RFTN1: variants seen among roughly 807,000 people sequenced by gnomAD.
RFTN1 encodes the protein raftlin.
In RFTN1, 26 loss-of-function variants were observed where a neutral mutation model predicts 46.5. The ratio of observed to expected loss-of-function variants is 0.56; its 90% confidence interval spans 0.41 to 0.78. RFTN1 has a LOEUF of 0.78. Among genes scored for constraint, RFTN1 ranks in the 30% least tolerant of loss-of-function variants. The pLI is 0.00. For missense variants in RFTN1, 693 were observed against 718.7 expected, an observed-to-expected ratio of 0.96 and a Z score of 0.41; for synonymous variants, 261 against 284.2, an observed-to-expected ratio of 0.92 and a Z score of 0.82.
At chr3:16,377,369 G>A (rs2073815035) in intron 5 of RFTN1, among the ~76,000 whole-genome samples, 4 of 152,118 alleles carry the variant, frequency 2.6e-5, no homozygotes, top group Admixed American at 6.5e-5. Context: ...GGTTTTCATC[G>A]GTGCCTGGCA....
At chr3:16,412,458 A>G (rs1415983549) in intron 3 of RFTN1, among the ~76,000 whole-genome samples, 1 of 152,206 alleles carries the variant, frequency 6.6e-6, no homozygotes, top group Non-Finnish European at 1.5e-5. Flanking sequence ...CACTAATCCT[A>G]TGAAAAACAG....
chr3:16,394,208 T>TA (rs138594843), intron 4 of RFTN1, among the ~76,000 whole-genome samples: 3,400 of 151,680 alleles, frequency 0.022, 136 homozygotes, highest in African/African-American at 0.077. Context: ...CCCATCTCTA[T>TA]AAAAAAAATC....
chr3:16,377,157 A>C (rs1275475961), intron 5 of RFTN1, among the ~76,000 whole-genome samples: 1 of 152,032 alleles, frequency 6.6e-6, no homozygotes, highest in Non-Finnish European at 1.5e-5. Flanking sequence ...AAATCTTATT[A>C]AGGGCCTCGG....
In RFTN1 at chr3:16,336,942, C is replaced by A. The variant is rs150085829; in HGVS notation, c.1147-10066G>T. Among the ~76,000 whole-genome samples, 143 of 152,328 alleles carry A rather than the reference C, an allele frequency of 9.4e-4. No homozygotes were observed. Among genetic ancestry groups the A allele is most frequent in the Admixed American group, 1.9e-3 (29 of 15,310 alleles). ...GACTTCCCTGTGTCCAGGCCACTTT[C>A]CAACACAGCTCGGCAGCTCCTCCCA... is the stretch of plus-strand genomic sequence containing the variant. On this transcript the variant is annotated intron_variant, in intron 7 of 9. Coordinates refer to ENST00000334133, the MANE Select transcript of RFTN1 (RefSeq NM_015150.2). The surrounding 1 kb of genome is among the most constrained non-coding windows in gnomAD (Gnocchi z 6.0).
At chr3:16,435,596 A>C (rs1334025721) in intron 2 of RFTN1, among the ~76,000 whole-genome samples, 2 of 152,132 alleles carry the variant, frequency 1.3e-5, no homozygotes, top group Non-Finnish European at 2.9e-5. Flanking sequence ...AAAACAAAAC[A>C]GTATACTTTT....
In RFTN1 at chr3:16,387,668, GAA is replaced by G. The variant is rs902963919; in HGVS notation, c.442-9568_442-9567del. Among the ~76,000 whole-genome samples, 6 of 144,312 alleles carry G rather than the reference GAA, an allele frequency of 4.2e-5. No individual in the cohort carries two copies. Among genetic ancestry groups the G allele is most frequent in the Admixed American group, 3.5e-4 (5 of 14,104 alleles). 94.7% of individuals were successfully genotyped at this position (144,312 alleles called of 152,430 possible). Reference sequence around the variant, plus strand: ...TTCAAGTTATCTTTTTTTAAAAGAAGAAAAAGAGGAAAGAATCCAACCAACAA... The same window carrying G: ...TTCAAGTTATCTTTTTTTAAAAGAAGAAAGAGGAAAGAATCCAACCAACAA... On this transcript the variant is annotated intron_variant, in intron 4 of 9. Transcript: ENST00000334133. This position sits in a 1 kb window ranked among gnomAD's most constrained non-coding sequence, Gnocchi z 5.2.
Position 16,346,864 on chromosome 3 carries a change from A to T in RFTN1, c.1146+11068T>A, listed in dbSNP as rs980273715. 2.0e-5 allele frequency among the ~76,000 whole-genome samples: 3 copies of T among 152,178 alleles called. No homozygotes were observed. The highest frequency in any genetic ancestry group is 7.2e-5 in the African/African-American group (3 of 41,450). ...ACAGGCTGAGGATGAGTACAGAAAG[A>T]TGGCAACATCTGGATCCCTGGTGGC... On this transcript the variant is annotated intron_variant, in intron 7 of 9. Coordinates refer to ENST00000334133, the MANE Select transcript of RFTN1 (RefSeq NM_015150.2). The surrounding 1 kb of genome is among the most constrained non-coding windows in gnomAD (Gnocchi z 4.4).
At chr3:16,487,768 G>A (rs1249739685) in intron 2 of RFTN1, among the ~76,000 whole-genome samples, 1 of 152,190 alleles carries the variant, frequency 6.6e-6, no homozygotes, top group Non-Finnish European at 1.5e-5. Context: ...GTGTTAGAGT[G>A]GCCTGGCACA....
Position 16,506,921 on chromosome 3 carries a change from G to A in RFTN1, c.-9+6521C>T, listed in dbSNP as rs1221672946. Among the ~76,000 whole-genome samples the A allele has an allele frequency of 1.3e-5, 2 of 152,260 alleles. No individual in the cohort carries two copies. Among genetic ancestry groups the A allele is most frequent in the East Asian group, 1.9e-4 (1 of 5,182 alleles). Reference sequence around the variant, plus strand: ...CTTATCTGGTACAGGATGGTAAAGGGCATTTGGAATATTCCATCTGTGGCT... The same window carrying A: ...CTTATCTGGTACAGGATGGTAAAGGACATTTGGAATATTCCATCTGTGGCT... On this transcript the variant is annotated intron_variant, in intron 1 of 9. Coordinates refer to ENST00000334133, the MANE Select transcript of RFTN1 (RefSeq NM_015150.2). This position sits in a 1 kb window ranked among gnomAD's most constrained non-coding sequence, Gnocchi z 4.8.
intron 2 of RFTN1, among the ~76,000 whole-genome samples, chr3:16,454,396 G>T (rs757751563): frequency 9.2e-5 from 14 of 152,120 alleles, no homozygotes; most frequent in Non-Finnish European, 1.5e-4. Flanking sequence ...CATTAGGAAT[G>T]CAGGTCCCAG....
intron 2 of RFTN1, among the ~76,000 whole-genome samples, chr3:16,485,722 A>G (rs2124978337): frequency 6.6e-6 from 1 of 152,400 alleles, no homozygotes; most frequent in South Asian, 2.1e-4. Flanking sequence ...TACACCTATC[A>G]GAACTCATCA....
At position 16,450,391 on chromosome 3, in the gene RFTN1, T is replaced by C. The variant is rs9867980; in HGVS notation, c.146-16354A>G. ...GAGATAGTGTCTGGCCACATCCAGG[T>C]GCACAGAGGTGGTGGCCTCAGAGAA... On this transcript the variant is annotated intron_variant, in intron 2 of 9. Coordinates refer to ENST00000334133, the MANE Select transcript of RFTN1 (RefSeq NM_015150.2). The surrounding 1 kb of genome is among the most constrained non-coding windows in gnomAD (Gnocchi z 4.6). Among the ~76,000 whole-genome samples, 123,647 of 152,196 alleles carry C rather than the reference T, an allele frequency of 0.81. 50,612 individuals carry two copies. Among genetic ancestry groups the C allele is most frequent in the African/African-American group, 0.9 (37,570 of 41,570 alleles).
rs79425126 is a variant in RFTN1, at chr3:16,327,279, C to T, written c.1147-403G>A. 3.1e-3 allele frequency among the ~76,000 whole-genome samples: 477 copies of T among 152,282 alleles called. 2 individuals are homozygous for T. The highest frequency in any genetic ancestry group is 5.6e-3 in the South Asian group (27 of 4,822). ...GAGCGTGTTGTGGGGAGTTAACTTA[C>T]ATTTGACAAATGATCAAGTCGTTTA... On this transcript the variant is annotated intron_variant, in intron 7 of 9. Transcript: ENST00000334133. The surrounding 1 kb of genome is among the most constrained non-coding windows in gnomAD (Gnocchi z 4.2).
Position 16,480,998 on chromosome 3 carries a change from G to GAAACACAC in RFTN1, c.145+12726_145+12727insGTGTGTTT, listed in dbSNP as rs2076357017. Among the ~76,000 whole-genome samples, 1 of 145,776 alleles carries GAAACACAC rather than the reference G, an allele frequency of 6.9e-6. No homozygotes were observed. The highest frequency in any genetic ancestry group is 2.6e-5 in the African/African-American group (1 of 39,198). Reference sequence around the variant, plus strand: ...ATATGCACATGCACACACACACACAGACACACACACACACACACACACACA... The same window carrying GAAACACAC: ...ATATGCACATGCACACACACACACAGAAACACACACACACACACACACACACACACACA... On this transcript the variant is annotated intron_variant, in intron 2 of 9. Coordinates refer to ENST00000334133, the MANE Select transcript of RFTN1 (RefSeq NM_015150.2). This position sits in a 1 kb window ranked among gnomAD's most constrained non-coding sequence, Gnocchi z 4.3.
chr3:16,317,196 T>G lies in RFTN1; in HGVS notation c.1369A>C (p.Arg457=). 1.2e-6 allele frequency: 2 copies of G among 1,613,402 alleles called. No individual in the cohort carries two copies. Among genetic ancestry groups the G allele is most frequent in the Non-Finnish European group, 1.7e-6 (2 of 1,179,988 alleles). The change falls in exon 10 of 10, where the codon AGG becomes CGG. Residue 457 remains arginine (R), a synonymous_variant. Transcript: ENST00000334133. The surrounding 1 kb of genome is among the most constrained non-coding windows in gnomAD (Gnocchi z 4.3). Reference sequence around the variant, plus strand: ...TTACCTTTTGATTTCCTCATCTGCCTGTTGTGCATTTCTTCTCTGGAGAAT... The same window carrying G: ...TTACCTTTTGATTTCCTCATCTGCCGGTTGTGCATTTCTTCTCTGGAGAAT... ...WRFSREEMHN[R]QMRKSKGKLS... is the part of the protein sequence containing the mutation.
At position 16,506,794 on chromosome 3, in the gene RFTN1, CG is replaced by C. The variant is rs1263682987; in HGVS notation, c.-9+6647del. On this transcript the variant is annotated intron_variant, in intron 1 of 9. Coordinates refer to ENST00000334133, the MANE Select transcript of RFTN1 (RefSeq NM_015150.2). This position sits in a 1 kb window ranked among gnomAD's most constrained non-coding sequence, Gnocchi z 4.8. ...CAGTAAATTTCTGGAAGGCAGCAAG[CG>C]GGTCTTCTTCATCCCCAACAGCAGC... Among the ~76,000 whole-genome samples, 1 of 152,134 alleles carries C rather than the reference CG, an allele frequency of 6.6e-6. No individual in the cohort carries two copies. The highest frequency in any genetic ancestry group is 2.4e-5 in the African/African-American group (1 of 41,436).
At chr3:16,379,627 C>T (rs756163324) in intron 4 of RFTN1, among the ~76,000 whole-genome samples, 2 of 152,190 alleles carry the variant, frequency 1.3e-5, no homozygotes, top group Admixed American at 6.5e-5. Context: ...AAAGCATCAA[C>T]TACATACATG....
chr3:16,414,014 C>A (rs1045308641), intron 3 of RFTN1, among the ~76,000 whole-genome samples: 1 of 152,306 alleles, frequency 6.6e-6, no homozygotes, highest in East Asian at 1.9e-4. Flanking sequence ...GGTACAACAT[C>A]CAGGCTCAAC....
At position 16,474,193 on chromosome 3, in the gene RFTN1, A is replaced by C. The variant is rs2076245667; in HGVS notation, c.145+19532T>G. On this transcript the variant is annotated intron_variant, in intron 2 of 9. Transcript: ENST00000334133. The surrounding 1 kb of genome is among the most constrained non-coding windows in gnomAD (Gnocchi z 5.5). ...AATGCCTTTTCTGATGACTTTATTC[A>C]ATTCTAACAACGCCAGGAAATATAC... Among the ~76,000 whole-genome samples the C allele has an allele frequency of 6.6e-6, 1 of 152,200 alleles. No individual in the cohort carries two copies. The highest frequency in any genetic ancestry group is 2.4e-5 in the African/African-American group (1 of 41,434).
Sources: gnomAD v4.1 joint callset for allele counts (sites outside exome capture counted in the v4.1 genomes callset) on GRCh38, gnomAD v4.1.1 for gene constraint, Gnocchi (gnomAD v3.1) non-coding constraint, MANE v1.5 for transcripts, NCBI Gene and HGNC (gene_info 2026-07-23, HGNC 2026-07-21) for gene names.